Variants in ARHGAP20 observed in about 807,000 individuals in gnomAD.
The protein encoded by ARHGAP20 is Rho GTPase activating protein 20.
ARHGAP20 carries 34 observed loss-of-function variants against 73.7 expected under a neutral mutation model. That is an observed-to-expected ratio of 0.46 (90% CI 0.35 to 0.61). ARHGAP20 has a LOEUF of 0.61. ARHGAP20 is among the 20% of genes least tolerant of loss of function. The pLI is 0.00. For synonymous variants in ARHGAP20, 523 were observed against 518.2 expected, an observed-to-expected ratio of 1.01 and a Z score of -0.13; for missense variants, 1,314 against 1,420.9, an observed-to-expected ratio of 0.92 and a Z score of 1.21.
chr11:110,590,645 T>C lies in ARHGAP20; in HGVS notation c.1305+3A>G. ...GGGTGGATAAAGGGATGACTCTTCTTACCTTTAAGACAGATGCTATCACAA... is the reference window on the plus strand; with the variant it reads ...GGGTGGATAAAGGGATGACTCTTCTCACCTTTAAGACAGATGCTATCACAA... On this transcript the variant is annotated splice_donor_region_variant and intron_variant, in intron 11 of 14. Transcript: ENST00000683387. 1 of 1,611,254 alleles carries C rather than the reference T, an allele frequency of 6.2e-7. No homozygotes were observed. Among genetic ancestry groups the C allele is most frequent in the Non-Finnish European group, 8.5e-7 (1 of 1,178,810 alleles).
chr11:110,709,847 T>C (rs752080587), intron 1 of ARHGAP20, among the ~76,000 whole-genome samples: 2 of 152,154 alleles, frequency 1.3e-5, no homozygotes, highest in Non-Finnish European at 2.9e-5. Flanking sequence ...CATGATTAAT[T>C]TACATTTTAA....
intron 2 of ARHGAP20, among the ~76,000 whole-genome samples, chr11:110,682,911 A>G (rs1036264310): frequency 6.6e-6 from 1 of 152,142 alleles, no homozygotes; most frequent in African/African-American, 2.4e-5. Flanking sequence ...ATGGAGTGCC[A>G]ACATTTAAAT....
intron 2 of ARHGAP20, among the ~76,000 whole-genome samples, chr11:110,647,084 G>T (rs1203056829): frequency 6.6e-6 from 1 of 152,048 alleles, no homozygotes; most frequent in East Asian, 1.9e-4. Flanking sequence ...AGCTGTGGGG[G>T]TTTTAGTAAG....
chr11:110,627,685 C>A, intron 3 of ARHGAP20, among the ~76,000 whole-genome samples: 1 of 152,108 alleles, frequency 6.6e-6, no homozygotes. Context: ...TTTGCTTATT[C>A]TCATAAAATA....
intron 9 of ARHGAP20, among the ~76,000 whole-genome samples, chr11:110,606,081 A>G (rs1344406547): frequency 6.6e-6 from 1 of 152,216 alleles, no homozygotes; most frequent in Non-Finnish European, 1.5e-5. Flanking sequence ...CAGGGAATTC[A>G]TATTAGATTA....
intron 2 of ARHGAP20, among the ~76,000 whole-genome samples, chr11:110,672,570 G>T (rs780774028): frequency 3.8e-4 from 58 of 151,770 alleles, no homozygotes; most frequent in Admixed American, 1.8e-3. Flanking sequence ...TCAGCCTCCC[G>T]AGTAGCTGGG....
intron 3 of ARHGAP20, among the ~76,000 whole-genome samples, chr11:110,629,040 A>T (rs995382406): frequency 6.6e-6 from 1 of 152,210 alleles, no homozygotes; most frequent in Non-Finnish European, 1.5e-5. Flanking sequence ...GGGGAAAAAT[A>T]TCCAAAAAAG....
chr11:110,686,494 C>T (rs575278966), intron 2 of ARHGAP20, among the ~76,000 whole-genome samples: 110 of 152,120 alleles, frequency 7.2e-4, no homozygotes, highest in African/African-American at 2.6e-3. Flanking sequence ...ATATTGTTTT[C>T]TTTTATAACA....
chr11:110,577,209 G>GAT lies in ARHGAP20; in HGVS notation c.*2159_*2160dup. ...AACATATGGTAGTAAAATTTGTCAA[G>GAT]ATATATTATACAAACTCAAAGCATT... is the stretch of plus-strand genomic sequence containing the variant. On this transcript the variant is annotated 3_prime_UTR_variant, in exon 15 of 15. Transcript: ENST00000683387. 2 of 1,519,282 alleles carry GAT rather than the reference G, an allele frequency of 1.3e-6. No homozygotes were observed. The highest frequency in any genetic ancestry group is 4.9e-5 in the East Asian group (2 of 40,544). The allele number at this position is 1,519,282 out of a possible 1,614,324, so 94.1% of individuals were successfully genotyped here.
intron 2 of ARHGAP20, among the ~76,000 whole-genome samples, chr11:110,673,802 G>T (rs777756214): frequency 6.6e-6 from 1 of 152,040 alleles, no homozygotes; most frequent in Non-Finnish European, 1.5e-5. Flanking sequence ...CTAGTCCTTG[G>T]TACAGTCTTT....
In ARHGAP20 at chr11:110,578,690, A is replaced by G; in HGVS notation, c.*680T>C. On this transcript the variant is annotated 3_prime_UTR_variant, in exon 15 of 15. Transcript: ENST00000683387. Reference sequence around the variant, plus strand: ...AGCCTTGCAAAGCACTTCAACATGAATGAAAAAACAAACCGACAAATACAA... The same window carrying G: ...AGCCTTGCAAAGCACTTCAACATGAGTGAAAAAACAAACCGACAAATACAA... 1 of 985,446 alleles carries G rather than the reference A, an allele frequency of 1.0e-6. No homozygotes were observed. Among genetic ancestry groups the G allele is most frequent in the Non-Finnish European group, 1.2e-6 (1 of 829,950 alleles). 61.0% of individuals were successfully genotyped at this position (985,446 alleles called of 1,614,324 possible).
intron 2 of ARHGAP20, among the ~76,000 whole-genome samples, chr11:110,648,184 T>C (rs1190275503): frequency 9.1e-6 from 1 of 109,806 alleles, no homozygotes; most frequent in East Asian, 2.5e-4. Context: ...TATATATATA[T>C]ATATGTAAAT....
At chr11:110,688,970 A>G (rs1950188824) in intron 2 of ARHGAP20, among the ~76,000 whole-genome samples, 2 of 150,592 alleles carry the variant, frequency 1.3e-5, no homozygotes, top group Non-Finnish European at 3.0e-5. Flanking sequence ...CTTATTTTTA[A>G]TACTGAAAAA....
chr11:110,690,833 TA>T (rs1452780815), intron 1 of ARHGAP20: 47 of 894,972 alleles, frequency 5.3e-5, no homozygotes, highest in Non-Finnish European at 6.8e-5. Context: ...CAAAAAGTGG[TA>T]AAAGCAATAA....
intron 2 of ARHGAP20, among the ~76,000 whole-genome samples, chr11:110,650,008 A>G (rs867176386): frequency 1.2e-4 from 18 of 152,136 alleles, no homozygotes; most frequent in African/African-American, 4.3e-4. Flanking sequence ...CATAAACTAC[A>G]TGAAATCTTT....
intron 2 of ARHGAP20, among the ~76,000 whole-genome samples, chr11:110,639,867 T>C (rs2134981420): frequency 6.6e-6 from 1 of 152,232 alleles, no homozygotes; most frequent in East Asian, 1.9e-4. Context: ...TTCCACCTTT[T>C]AGCTATTGTG....
intron 2 of ARHGAP20, among the ~76,000 whole-genome samples, chr11:110,660,582 G>A (rs1176006200): frequency 1.3e-5 from 2 of 152,120 alleles, no homozygotes; most frequent in South Asian, 4.1e-4. Flanking sequence ...CCCATCGACA[G>A]ATCTACCCTG....
At chr11:110,615,683 T>C in intron 4 of ARHGAP20, 89 bp from the exon 5 acceptor site, 2 of 1,194,858 alleles carry the variant, frequency 1.7e-6, no homozygotes, top group Non-Finnish European at 2.5e-6. Context: ...GATGAAAATA[T>C]CAACAACCTG....
intron 11 of ARHGAP20, among the ~76,000 whole-genome samples, chr11:110,588,745 T>C (rs1194557904): frequency 3.3e-5 from 5 of 152,212 alleles, no homozygotes; most frequent in Admixed American, 6.5e-5. Flanking sequence ...AGAAGTGTAA[T>C]GCTATGAAGA....
Sources: allele counts gnomAD v4.1 joint callset (sites outside exome capture counted in the v4.1 genomes callset), GRCh38; gene constraint gnomAD v4.1.1; transcripts MANE v1.5; gene names NCBI Gene and HGNC (gene_info 2026-07-23, HGNC 2026-07-21).